Variants in TASOR2 observed in about 807,000 individuals in gnomAD.
TASOR2 encodes the protein transcription activation suppressor family member 2, also known as protein TASOR 2.
Under a neutral mutation model 199.5 loss-of-function variants are expected in TASOR2, and 84 were observed. The ratio of observed to expected loss-of-function variants is 0.42; its 90% CI spans 0.35 to 0.50. TASOR2 has a LOEUF of 0.50. TASOR2 is among the 20% of genes least tolerant of loss of function. The probability of loss-of-function intolerance (pLI) is 0.02; values close to 1 mark genes in which losing one functional copy is unlikely to be tolerated. For synonymous variants in TASOR2, 1,103 were observed against 1,046.6 expected (o/e 1.05, Z -1.04); for missense variants, 2,796 against 2,835.9 (o/e 0.99, Z 0.32).
At chr10:5,709,670 A>G (rs1831662889) in intron 1 of TASOR2, 4 of 1,230,664 alleles carry the variant, frequency 3.3e-6, no homozygotes, top group Non-Finnish European at 4.1e-6. Flanking sequence ...AAGAGTGGGT[A>G]TTAAACTAAG....
intron 2 of TASOR2, among the ~76,000 whole-genome samples, chr10:5,716,682 C>T (rs1246248893): frequency 2.6e-5 from 4 of 152,044 alleles, no homozygotes; most frequent in African/African-American, 4.8e-5. Context: ...TTGGAGGCCA[C>T]GGCAGGTGTA....
rs367828028 is a variant in TASOR2 at position 5,724,860 on chromosome 10, T to C, written c.351+327T>C. Reference sequence around the variant, plus strand: ...GTTTTTTTCTATACATGCATACTTATGATAAAGTTTAATTTATAAATTAGG... The same window carrying C: ...GTTTTTTTCTATACATGCATACTTACGATAAAGTTTAATTTATAAATTAGG... On this transcript the variant is annotated intron_variant, in intron 8 of 20. Transcript: ENST00000328090. Among the ~76,000 whole-genome samples the C allele has an allele frequency of 9.2e-5, 14 of 151,932 alleles. 1 individual carries two copies. In the East Asian group the frequency reaches 1.2e-3, roughly 13 times the overall value.
In TASOR2 at chr10:5,761,562, A is replaced by T. The variant is rs1373786836; in HGVS notation, c.7174+91A>T. The T allele has an allele frequency of 3.5e-6, 4 of 1,150,764 alleles. No individual in the cohort carries two copies. The East Asian group carries it at 9.4e-5, about 27-fold the overall frequency. 71.3% of individuals were successfully genotyped at this position (1,150,764 alleles called of 1,614,324 possible). On this transcript the variant is annotated intron_variant, in intron 19 of 20. Transcript: ENST00000328090. ...AGATACCTGATGAAGAGTATCAGGT[A>T]TCTAAATGGCTTGGCATCCCATGGA...
chr10:5,717,547 C>G (rs926028242), intron 2 of TASOR2, 112 bp from the exon 4 acceptor site: 3 of 412,886 alleles, frequency 7.3e-6, no homozygotes, highest in African/African-American at 6.2e-5. Flanking sequence ...TGGAATCCTC[C>G]TCTCCTGTCT....
chr10:5,763,107 A>T, exon 21 of TASOR2: 2 of 1,385,862 alleles, frequency 1.4e-6, no homozygotes, highest in Non-Finnish European at 2.0e-6. Context: ...ACTTGTGAAC[A>T]TGTGAATACA....
exon 17 of TASOR2, chr10:5,757,656 T>G: frequency 6.2e-7 from 1 of 1,613,132 alleles, no homozygotes; most frequent in Non-Finnish European, 8.5e-7. Flanking sequence ...GACAAGATAC[T>G]AGAAGCTGTA....
intron 10 of TASOR2, among the ~76,000 whole-genome samples, chr10:5,728,584 C>A (rs1834367499): frequency 6.6e-6 from 1 of 151,656 alleles, no homozygotes; most frequent in African/African-American, 2.4e-5. Context: ...TACAGTGAGC[C>A]TGGTGACAGA....
chr10:5,742,952 T>C lies in TASOR2; in HGVS notation c.2757+426T>C, dbSNP rs1836645793. Among the ~76,000 whole-genome samples the C allele has an allele frequency of 6.6e-6, 1 of 152,218 alleles. No individual in the cohort carries two copies. The highest frequency in any genetic ancestry group is 1.5e-5 in the Non-Finnish European group (1 of 68,042). ...ACTAAAATTAATTGTATTAAAATTA[T>C]TTTTGAAGACAGATGCTGGAATAGT... On this transcript the variant is annotated intron_variant, in intron 14 of 20. Coordinates refer to ENST00000328090, the Ensembl canonical transcript of TASOR2. The surrounding 1 kb of genome is among the most constrained non-coding windows in gnomAD (Gnocchi z 4.2).
In TASOR2 at chr10:5,761,287, C is replaced by G; in HGVS notation, c.6993-3C>G. The G allele has an allele frequency of 6.2e-7, 1 of 1,609,368 alleles. No homozygotes were observed. On this transcript the variant is annotated splice_polypyrimidine_tract_variant and splice_region_variant and intron_variant, in intron 18 of 20. Coordinates refer to ENST00000328090, the Ensembl canonical transcript of TASOR2. ...TTTTAATATGCCTATGTATCTTTCA[C>G]AGAGTGGATTCAACTGCACATAAGA...
rs754592257 is a variant in TASOR2, at chr10:5,730,890, T to C, written c.891T>C (p.Ala297=). The change falls in exon 11 of 21, where the codon GCT becomes GCC. Residue 297 remains alanine (A), a synonymous_variant. Coordinates refer to ENST00000328090, the Ensembl canonical transcript of TASOR2. This position sits in a 1 kb window ranked among gnomAD's most constrained non-coding sequence, Gnocchi z 4.1. ...GTGTTTCAGACGGAATTTGTGATGCTGGATTTTCCTTAGTTATGACTCCAG... is the reference window on the plus strand; with the variant it reads ...GTGTTTCAGACGGAATTTGTGATGCCGGATTTTCCTTAGTTATGACTCCAG... 8.7e-6 allele frequency: 14 copies of C among 1,614,252 alleles called. No individual in the cohort carries two copies. In the South Asian group the frequency reaches 9.9e-5, roughly 11 times the overall value.
At position 5,710,042 on chromosome 10, in the gene TASOR2, A is replaced by G. The variant is rs926388324; in HGVS notation, c.-287-2781A>G. 6.6e-6 allele frequency among the ~76,000 whole-genome samples: 1 copy of G among 152,146 alleles called. No individual in the cohort carries two copies. Among genetic ancestry groups the G allele is most frequent in the Admixed American group, 6.5e-5 (1 of 15,272 alleles). ...CATTTTCATAGTCTGGTAATCTTGA[A>G]TGTTTAAATAAAGCTTGAGCATTGC... On this transcript the variant is annotated intron_variant, in intron 1 of 20. Coordinates refer to ENST00000328090, the Ensembl canonical transcript of TASOR2. This position sits in a 1 kb window ranked among gnomAD's most constrained non-coding sequence, Gnocchi z 4.6.
intron 1 of TASOR2, among the ~76,000 whole-genome samples, chr10:5,697,541 A>G (rs1230403964): frequency 6.6e-6 from 1 of 152,200 alleles, no homozygotes; most frequent in Non-Finnish European, 1.5e-5. Context: ...GGGGAGGCAG[A>G]GATCTTAGTG....
intron 15 of TASOR2, among the ~76,000 whole-genome samples, chr10:5,755,784 A>AAC (rs1838844926): frequency 6.6e-6 from 1 of 152,006 alleles, no homozygotes; most frequent in Non-Finnish European, 1.5e-5. Flanking sequence ...TAGCTTGGGC[A>AAC]ACACTGCTTG....
Position 5,742,649 on chromosome 10 carries a change from T to C in TASOR2, c.2757+123T>C. On this transcript the variant is annotated intron_variant, in intron 14 of 20. Coordinates refer to ENST00000328090, the Ensembl canonical transcript of TASOR2. This position sits in a 1 kb window ranked among gnomAD's most constrained non-coding sequence, Gnocchi z 4.2. ...TAGGACAGTGAATTCTCAAGGTATG[T>C]AAAGAACTATTACACCAAAAACCTA... 1 of 906,266 alleles carries C rather than the reference T, an allele frequency of 1.1e-6. No homozygotes were observed. The highest frequency in any genetic ancestry group is 1.6e-6 in the Non-Finnish European group (1 of 608,924). The allele number at this position is 906,266 out of a possible 1,614,324, so 56.1% of individuals were successfully genotyped here. A position where few individuals can be genotyped will look rare whatever the true frequency, so the allele number is the denominator to read the frequency against.
intron 15 of TASOR2, among the ~76,000 whole-genome samples, chr10:5,753,685 G>A (rs74892179): frequency 0.035 from 5,359 of 152,172 alleles, 333 homozygotes; most frequent in African/African-American, 0.12. Context: ...TTAATGAATG[G>A]TTGCCGGATT....
At chr10:5,760,831 A>C (rs1380547926) in intron 18 of TASOR2, 1 of 152,648 alleles carries the variant, frequency 6.6e-6, no homozygotes, top group Non-Finnish European at 1.5e-5. Context: ...CAGAAATGCT[A>C]AAAATTTAAA....
intron 15 of TASOR2, among the ~76,000 whole-genome samples, chr10:5,753,716 TGTC>T (rs1239154451): frequency 6.6e-6 from 1 of 152,194 alleles, no homozygotes; most frequent in Non-Finnish European, 1.5e-5. Context: ...TTCCCTCTGT[TGTC>T]TTTGCTCCAA....
intron 19 of TASOR2, 32 bp downstream of exon 20, chr10:5,761,503 G>C (rs372623129): frequency 1.2e-5 from 19 of 1,592,542 alleles, no homozygotes; most frequent in African/African-American, 2.7e-5. Context: ...CTCAGTTAAT[G>C]CCAAAATTGG....
chr10:5,728,876 T>G (rs1050752792), intron 10 of TASOR2, among the ~76,000 whole-genome samples: 4 of 152,158 alleles, frequency 2.6e-5, no homozygotes, highest in Admixed American at 1.3e-4. Flanking sequence ...AACAGCTAAC[T>G]TCAGATCTGG....
Sources: gnomAD v4.1 joint callset for allele counts (sites outside exome capture counted in the v4.1 genomes callset) on GRCh38, gnomAD v4.1.1 for gene constraint, Gnocchi (gnomAD v3.1) non-coding constraint, MANE v1.5 for transcripts, NCBI Gene and HGNC (gene_info 2026-07-23, HGNC 2026-07-21) for gene names.